Variants in ERBB4 observed in about 807,000 individuals in gnomAD.
The protein encoded by ERBB4 is receptor tyrosine-protein kinase erbB-4.
ERBB4 carries 42 observed loss-of-function variants against 158.0 expected under a neutral mutation model. The observed-to-expected ratio is 0.27, with a 90% CI of 0.21 to 0.34. The LOEUF (loss-of-function observed/expected upper bound fraction) is 0.34, where lower values mean the gene tolerates loss of function less well. Ranked by LOEUF, ERBB4 falls within the 10% of genes least tolerant of loss-of-function variation. ERBB4 has a pLI of 1.00. For missense variants in ERBB4, 1,333 were observed against 1,624.1 expected (o/e 0.82, Z 3.08); for synonymous variants, 583 against 558.7 (o/e 1.04, Z -0.61).
intron 19 of ERBB4, among the ~76,000 whole-genome samples, chr2:211,569,125 A>G (rs933960178): frequency 6.6e-6 from 1 of 152,166 alleles, no homozygotes; most frequent in African/African-American, 2.4e-5. Context: ...ACTCTTCTAA[A>G]CTTTGAAGTC....
At chr2:211,408,235 G>C (rs1476963890) in intron 25 of ERBB4, among the ~76,000 whole-genome samples, 2 of 152,128 alleles carry the variant, frequency 1.3e-5, no homozygotes, top group Non-Finnish European at 2.9e-5. Context: ...GTAAAGAATA[G>C]GCTTCTTGAT....
intron 1 of ERBB4, among the ~76,000 whole-genome samples, chr2:212,213,100 G>T (rs2082989338): frequency 6.6e-6 from 1 of 151,848 alleles, no homozygotes; most frequent in Non-Finnish European, 1.5e-5. Context: ...CTTCTGCACA[G>T]AAAAGAAACT....
intron 4 of ERBB4, among the ~76,000 whole-genome samples, chr2:211,767,935 A>AT (rs1200066689): frequency 6.6e-6 from 1 of 152,182 alleles, no homozygotes; most frequent in African/African-American, 2.4e-5. Flanking sequence ...GTCTTAGCTC[A>AT]TTACAGCATT....
intron 19 of ERBB4, among the ~76,000 whole-genome samples, chr2:211,580,866 CATATATATATATATATATATATATAT>C (rs56892079): frequency 4.7e-5 from 3 of 64,188 alleles, no homozygotes; most frequent in Non-Finnish European, 7.7e-5. Context: ...TATGCATATA[CATATATATATATATATATATATATAT>C]ATATATATAT....
chr2:211,701,831 C>A (rs1575012645), intron 12 of ERBB4, 136 bp downstream of exon 12: 16 of 462,092 alleles, frequency 3.5e-5, no homozygotes, highest in Non-Finnish European at 6.0e-5. Context: ...GTAATTGTAA[C>A]AACTACCTTC....
intron 20 of ERBB4, among the ~76,000 whole-genome samples, chr2:211,529,872 G>A (rs1033898901): frequency 6.6e-6 from 1 of 152,086 alleles, no homozygotes. Context: ...ATATGACAGA[G>A]CTACAGCTAG....
chr2:212,192,044 A>ATGT lies in ERBB4; in HGVS notation c.83-67142_83-67141insACA, dbSNP rs1559707688. Among the ~76,000 whole-genome samples, 256 of 56,232 alleles carry ATGT rather than the reference A, an allele frequency of 4.6e-3. 3 individuals are homozygous for ATGT. Among genetic ancestry groups the ATGT allele is most frequent in the Non-Finnish European group, 6.7e-3 (162 of 24,010 alleles). 36.9% of individuals were successfully genotyped at this position (56,232 alleles called of 152,430 possible). A position where few individuals can be genotyped will look rare whatever the true frequency, so the allele number is the denominator to read the frequency against. On this transcript the variant is annotated intron_variant, in intron 1 of 27. Coordinates refer to ENST00000342788, the MANE Select transcript of ERBB4 (RefSeq NM_005235.3). ...ATGTTATATATGTTATATGTTATAT[A>ATGT]TATGTTATATGTTATATATGTTATA...
intron 3 of ERBB4, among the ~76,000 whole-genome samples, chr2:211,917,463 A>C (rs958748492): frequency 3.9e-5 from 6 of 152,182 alleles, no homozygotes; most frequent in Non-Finnish European, 8.8e-5. Flanking sequence ...TTATGCAGTC[A>C]TTACCACAAC....
intron 2 of ERBB4, among the ~76,000 whole-genome samples, chr2:212,002,834 G>A (rs112412667): frequency 4.0e-5 from 6 of 151,890 alleles, no homozygotes; most frequent in South Asian, 4.1e-4. Flanking sequence ...CGAGGCGGGC[G>A]GATCACTTGA....
At chr2:211,451,845 T>A (rs1374046657) in intron 20 of ERBB4, among the ~76,000 whole-genome samples, 1 of 152,162 alleles carries the variant, frequency 6.6e-6, no homozygotes, top group East Asian at 1.9e-4. Flanking sequence ...TTCTTAATAG[T>A]TCCAAGTAAT....
chr2:211,451,125 T>G (rs1381753913), intron 20 of ERBB4, among the ~76,000 whole-genome samples: 1 of 152,046 alleles, frequency 6.6e-6, no homozygotes, highest in African/African-American at 2.4e-5. Flanking sequence ...AAAACTGAGA[T>G]GACAAAGTTA....
chr2:212,439,529 AG>A (rs2092209355), intron 1 of ERBB4, among the ~76,000 whole-genome samples: 1 of 152,198 alleles, frequency 6.6e-6, no homozygotes, highest in African/African-American at 2.4e-5. Context: ...CAGGTTACTA[AG>A]GTATGAAATT....
At chr2:211,672,984 C>T (rs965112017) in intron 14 of ERBB4, among the ~76,000 whole-genome samples, 180 bp downstream of exon 14, 1 of 152,070 alleles carries the variant, frequency 6.6e-6, no homozygotes. Context: ...TGTATGACAT[C>T]GACTTTTTAA....
intron 4 of ERBB4, among the ~76,000 whole-genome samples, chr2:211,769,283 A>G (rs1354162435): frequency 6.6e-6 from 1 of 152,204 alleles, no homozygotes; most frequent in African/African-American, 2.4e-5. Flanking sequence ...ATTTTGGTCA[A>G]AACCACTCAA....
chr2:211,566,754 T>G (rs561765469), intron 19 of ERBB4, among the ~76,000 whole-genome samples: 8 of 152,312 alleles, frequency 5.3e-5, no homozygotes, highest in Admixed American at 3.9e-4. Context: ...AATTTAATTA[T>G]ATATTTAATT....
chr2:212,351,355 A>C (rs771150818), intron 1 of ERBB4, among the ~76,000 whole-genome samples: 63 of 152,108 alleles, frequency 4.1e-4, no homozygotes, highest in Non-Finnish European at 7.4e-4. Context: ...GGTAAAATAA[A>C]TTTATGTTGT....
chr2:211,578,768 T>A (rs1394736045), intron 19 of ERBB4, among the ~76,000 whole-genome samples: 1 of 152,176 alleles, frequency 6.6e-6, no homozygotes, highest in Admixed American at 6.5e-5. Flanking sequence ...AAATTGAAAC[T>A]GGATCCCTTC....
intron 25 of ERBB4, among the ~76,000 whole-genome samples, chr2:211,410,166 C>G (rs1251308030): frequency 2.0e-5 from 3 of 152,154 alleles, no homozygotes; most frequent in Non-Finnish European, 2.9e-5. Context: ...GTAAGGAGAG[C>G]CTGGTGTCTG....
intron 1 of ERBB4, among the ~76,000 whole-genome samples, chr2:212,401,253 T>C (rs1405544120): frequency 6.6e-6 from 1 of 152,156 alleles, no homozygotes; most frequent in Non-Finnish European, 1.5e-5. Context: ...TAACTAGCAA[T>C]GTAGTCAGAA....
Sources: allele counts gnomAD v4.1 joint callset (sites outside exome capture counted in the v4.1 genomes callset), GRCh38; gene constraint gnomAD v4.1.1; transcripts MANE v1.5; gene names NCBI Gene and HGNC (gene_info 2026-07-23, HGNC 2026-07-21).